The following RETREG2 variants were observed in gnomAD, a reference collection of about 807,000 sequenced individuals.
RETREG2 encodes reticulophagy regulator family member 2.
A neutral mutation model predicts 51.6 loss-of-function variants in RETREG2; 21 were observed. That is an observed-to-expected ratio of 0.41 (90% CI 0.29 to 0.59). The LOEUF is 0.59. Among genes scored for constraint, RETREG2 ranks in the 20% least tolerant of loss-of-function variants. The pLI is 0.34. For missense variants in RETREG2, 674 were observed against 646.0 expected (o/e 1.04, Z -0.47); for synonymous variants, 339 against 288.6 (o/e 1.17, Z -1.77).
In RETREG2 at chr2:219,181,210, G is replaced by T. The variant is rs1263272218; in HGVS notation, c.784+5G>T. ...ATCACAAACACGACAAGAGGAGTAA[G>T]GGGCTGCCCTAAGCCAGGAGGGTGA... On this transcript the variant is annotated splice_donor_5th_base_variant and intron_variant, in intron 6 of 8. Transcript: ENST00000430297. 1 of 1,614,074 alleles carries T rather than the reference G, an allele frequency of 6.2e-7. No individual in the cohort carries two copies. Among genetic ancestry groups the T allele is most frequent in the Non-Finnish European group, 8.5e-7 (1 of 1,179,988 alleles).
At chr2:219,178,816 G>A (rs907159073) in intron 1 of RETREG2, 106 bp from the exon 2 acceptor site, 15 of 1,086,590 alleles carry the variant, frequency 1.4e-5, no homozygotes, top group Non-Finnish European at 2.0e-5. Flanking sequence ...CGCGAGTTAG[G>A]CCTGGAGGTG....
rs1036914017 is a variant in RETREG2 at position 219,180,558 on chromosome 2, C to T, written c.556-112C>T. 4 of 1,573,314 alleles carry T rather than the reference C, an allele frequency of 2.5e-6. No individual in the cohort carries two copies. The South Asian group carries it at 4.7e-5, about 19-fold the overall frequency. On this transcript the variant is annotated intron_variant, in intron 4 of 8. Transcript: ENST00000430297. ...TCCTCTTAACCAAACTGGACCACCC[C>T]ATTCCTTGAGTACATACCCATCCTT... is the stretch of plus-strand genomic sequence containing the variant.
chr2:219,178,984 T>G lies in RETREG2; in HGVS notation c.344T>G (p.Phe115Cys), dbSNP rs1559219770. The G allele has an allele frequency of 6.2e-7, 1 of 1,614,112 alleles. No individual in the cohort carries two copies. The highest frequency in any genetic ancestry group is 1.7e-5 in the Admixed American group (1 of 60,022). Residue 115 changes from phenylalanine to cysteine, a missense_variant, in exon 2 of 9, where the codon TTT (phenylalanine) becomes TGT (cysteine). Coordinates refer to ENST00000430297, the MANE Select transcript of RETREG2 (RefSeq NM_024293.6). ...FLLSVSLLAY[F>C]LLDLWQPRFL... Reference sequence around the variant, plus strand: ...CTCAGCGTCTCACTTTTGGCCTATTTTCTGCTGGATCTCTGGCAGCCTCGC... The same window carrying G: ...CTCAGCGTCTCACTTTTGGCCTATTGTCTGCTGGATCTCTGGCAGCCTCGC...
chr2:219,179,612 C>T lies in RETREG2; in HGVS notation c.389-121C>T. ...CGCAAACAAAAACATGTAACAGCTC[C>T]CCCATTGGCATCTGAAGAAGGTGCT... On this transcript the variant is annotated intron_variant, in intron 2 of 8. Coordinates refer to ENST00000430297, the MANE Select transcript of RETREG2 (RefSeq NM_024293.6). The T allele has an allele frequency of 1.7e-5, 15 of 865,768 alleles. No homozygotes were observed. The South Asian group carries it at 2.1e-4, about 12-fold the overall frequency. The allele number at this position is 865,768 out of a possible 1,614,324, so 53.6% of individuals were successfully genotyped here.
chr2:219,182,675 C>A lies in RETREG2; in HGVS notation c.*46C>A. On this transcript the variant is annotated 3_prime_UTR_variant, in exon 9 of 9. Transcript: ENST00000430297. ...CTGCAGGCACAGTAGGGCTTCCTGG[C>A]TAGGAGTGTTGCTGTTTCCTCCTTT... The A allele has an allele frequency of 6.3e-7, 1 of 1,594,332 alleles. No individual in the cohort carries two copies.
intron 2 of RETREG2, 81 bp from the exon 3 acceptor site, chr2:219,179,652 G>A: frequency 7.3e-7 from 1 of 1,370,516 alleles, no homozygotes; most frequent in Non-Finnish European, 1.0e-6. Context: ...GGCTGCAGAG[G>A]AGGGACAACT....
Position 219,184,823 on chromosome 2 carries a change from G to GTTTTT in RETREG2, c.*2194_*2195insTTTTT, listed in dbSNP as rs1559224136. The GTTTTT allele has an allele frequency of 4.2e-4, 13 of 30,836 alleles. No homozygotes were observed. In the East Asian group the frequency reaches 5.0e-3, roughly 12 times the overall value. The allele number at this position is 30,836 out of a possible 1,614,324, so 1.9% of individuals were successfully genotyped here. On this transcript the variant is annotated 3_prime_UTR_variant, in exon 9 of 9. Coordinates refer to ENST00000430297, the MANE Select transcript of RETREG2 (RefSeq NM_024293.6). ...GTTGTTTTGGTTTTTTGTTTTTTGT[G>GTTTTT]GGTTTTTTTTTTTTTTTTTTTGAGA...
chr2:219,181,118 T>C lies in RETREG2; in HGVS notation c.697T>C (p.Tyr233His). 6.2e-7 allele frequency: 1 copy of C among 1,614,182 alleles called. No individual in the cohort carries two copies. The highest frequency in any genetic ancestry group is 1.7e-4 in the Middle Eastern group (1 of 6,048). Residue 233 changes from tyrosine (Y) to histidine (H), a missense_variant, in exon 6 of 9, where the codon TAC (tyrosine) becomes CAC (histidine). Coordinates refer to ENST00000430297, the MANE Select transcript of RETREG2 (RefSeq NM_024293.6). ...TTATCATGAGCTGATCCAGAGGATG[T>C]ACACTCGCCTGGAGCCCCTGCTCAT... ...VVYHELIQRM[Y>H]TRLEPLLMQL...
rs2385393 is a variant in RETREG2, at chr2:219,184,665, A to G, written c.*2036A>G. ...GAAAAATAGAATTAATCAGGCAATG[A>G]CTGCAACATGTCCTATCTTTAATCT... On this transcript the variant is annotated 3_prime_UTR_variant, in exon 9 of 9. Transcript: ENST00000430297. 0.95 allele frequency: 144,501 copies of G among 152,180 alleles called. 68,948 individuals are homozygous for G. The highest frequency in any genetic ancestry group is 1 in the East Asian group (5,186 of 5,186). The allele number at this position is 152,180 out of a possible 1,614,324, so 9.4% of individuals were successfully genotyped here. A position where few individuals can be genotyped will look rare whatever the true frequency, so the allele number is the denominator to read the frequency against.
intron 6 of RETREG2, 64 bp downstream of exon 6, chr2:219,181,269 G>A: frequency 1.2e-6 from 2 of 1,609,550 alleles, no homozygotes; most frequent in Non-Finnish European, 1.7e-6. Context: ...GGGTTCATGA[G>A]ATGCCCTGGA....
Position 219,182,253 on chromosome 2 carries a change from C to G in RETREG2, c.1256C>G (p.Pro419Arg), listed in dbSNP as rs3731900. ...NTHFNGAGSP[P>R]DGVKCSPGGP... ...CACTTCAATGGGGCAGGGTCCCCCC[C>G]AGATGGAGTGAAATGCTCCCCTGGA... The change falls in exon 9 of 9, where the codon CCA becomes CGA. Residue 419 changes from proline (P) to arginine (R), a missense_variant. By Grantham distance (103) the Pro-to-Arg change is moderately radical (BLOSUM62 -2). Coordinates refer to ENST00000430297, the MANE Select transcript of RETREG2 (RefSeq NM_024293.6). 1.5e-5 allele frequency: 24 copies of G among 1,613,680 alleles called. No homozygotes were observed. The highest frequency in any genetic ancestry group is 2.7e-5 in the African/African-American group (2 of 74,770).
chr2:219,179,754 A>C lies in RETREG2; in HGVS notation c.410A>C (p.His137Pro), dbSNP rs745490431. Residue 137 changes from histidine to proline, a missense_variant, in exon 3 of 9, where the codon CAC (histidine) becomes CCC (proline). Physicochemically the swap from His to Pro is moderately conservative, Grantham distance 77. Coordinates refer to ENST00000430297, the MANE Select transcript of RETREG2 (RefSeq NM_024293.6). ...DVSASSPEEPHSDSEGAGSGA... is the reference protein window; with the variant it reads ...DVSASSPEEPPSDSEGAGSGA... The stretch of plus-strand genomic sequence containing the variant: ...CTAGCATCATCCCCAGAGGAGCCAC[A>C]CTCTGACAGGTGAGTACAGGCCACC... 1.1e-5 allele frequency: 17 copies of C among 1,613,986 alleles called. No homozygotes were observed. In the Admixed American group the frequency reaches 2.5e-4, roughly 24 times the overall value.
rs1950298988 is a variant in RETREG2, at chr2:219,182,604, A to C, written c.1607A>C (p.Glu536Ala). Residue 536 changes from glutamate to alanine, a missense_variant, in exon 9 of 9, where the codon GAA becomes GCA. Transcript: ENST00000430297. ...DIHSLVQSDQEAQAVAEP is the reference protein window; with the variant it reads ...DIHSLVQSDQAAQAVAEP ...CATTCTCTGGTACAGTCAGACCAAG[A>C]AGCTCAGGCCGTGGCAGAGCCATGA... 1 of 1,614,146 alleles carries C rather than the reference A, an allele frequency of 6.2e-7. No individual in the cohort carries two copies. The highest frequency in any genetic ancestry group is 8.5e-7 in the Non-Finnish European group (1 of 1,179,994).
rs1001287169 is a variant in RETREG2 at position 219,180,975 on chromosome 2, T to G, written c.641-87T>G. The G allele has an allele frequency of 3.5e-5, 55 of 1,568,606 alleles. No individual in the cohort carries two copies. In the African/African-American group the frequency reaches 7.3e-4, roughly 21 times the overall value. ...GCCTTGGGAAAGGACCTTGCCTACC[T>G]TCAGCACTTCAGTTTAGGGACCAGT... On this transcript the variant is annotated intron_variant, in intron 5 of 8. Transcript: ENST00000430297.
chr2:219,179,606 C>A, intron 2 of RETREG2, 127 bp from the exon 3 acceptor site: 1 of 828,122 alleles, frequency 1.2e-6, no homozygotes. Context: ...AAACATGTAA[C>A]AGCTCCCCCA....
At chr2:219,180,016 T>G (rs916921250) in intron 3 of RETREG2, 94 bp from the exon 4 acceptor site, 48 of 1,535,396 alleles carry the variant, frequency 3.1e-5, no homozygotes, top group Middle Eastern at 4.7e-4. Flanking sequence ...ATTTGCTTTT[T>G]TAGACTAAAG....
In RETREG2 at chr2:219,180,232, A is replaced by G. The variant is rs1233399382; in HGVS notation, c.542A>G (p.Gln181Arg). 1 of 1,614,226 alleles carries G rather than the reference A, an allele frequency of 6.2e-7. No homozygotes were observed. ...CAGGAGCTGCTGCAGTACAAGAGGCAGAATCCAGCTCAGGTAACCTCCCCT... is the reference window on the plus strand; with the variant it reads ...CAGGAGCTGCTGCAGTACAAGAGGCGGAATCCAGCTCAGGTAACCTCCCCT... ...HLQELLQYKR[Q>R]NPAQFCVRVC... The change falls in exon 4 of 9, where the codon CAG becomes CGG. Residue 181 changes from glutamine (Q) to arginine (R), a missense_variant. Physicochemically the swap from Gln to Arg is conservative, Grantham distance 43. Coordinates refer to ENST00000430297, the MANE Select transcript of RETREG2 (RefSeq NM_024293.6).
intron 5 of RETREG2, 84 bp downstream of exon 5, chr2:219,180,838 C>T (rs1247524815): frequency 6.7e-7 from 1 of 1,490,706 alleles, no homozygotes; most frequent in African/African-American, 1.4e-5. Flanking sequence ...ACTATGCTCT[C>T]TCTGCTCAGT....
chr2:219,178,665 G>C, intron 1 of RETREG2, 32 bp downstream of exon 1: 6 of 1,416,796 alleles, frequency 4.2e-6, no homozygotes, highest in Non-Finnish European at 5.5e-6. Context: ...GCGGGGCCGG[G>C]ATGAGCGGGG....
Sources: gnomAD v4.1 joint callset for allele counts on GRCh38, gnomAD v4.1.1 for gene constraint, MANE v1.5 for transcripts, NCBI Gene and HGNC (gene_info 2026-07-23, HGNC 2026-07-21) for gene names.